ADAMTS20: variants seen among roughly 807,000 people sequenced by gnomAD.
The protein encoded by ADAMTS20 is ADAM metallopeptidase with thrombospondin type 1 motif 20.
A neutral mutation model predicts 260.1 loss-of-function variants in ADAMTS20; 225 were observed. The ratio of observed to expected loss-of-function variants is 0.87; its 90% CI spans 0.78 to 0.97. The LOEUF (loss-of-function observed/expected upper bound fraction) is 0.97. Among genes scored for constraint, ADAMTS20 ranks in the 50% least tolerant of loss-of-function variants. The pLI is 0.00. For synonymous variants in ADAMTS20, 802 were observed against 769.5 expected (o/e 1.04, Z -0.70); for missense variants, 2,400 against 2,337.7 (o/e 1.03, Z -0.55).
intron 31 of ADAMTS20, among the ~76,000 whole-genome samples, chr12:43,379,040 T>C (rs1194748884): frequency 1.3e-5 from 2 of 152,222 alleles, no homozygotes; most frequent in Non-Finnish European, 2.9e-5. Flanking sequence ...CCTGTGATTA[T>C]GGTGAAACCA....
chr12:43,526,430 C>T (rs372005202), intron 3 of ADAMTS20, among the ~76,000 whole-genome samples: 1 of 152,092 alleles, frequency 6.6e-6, no homozygotes, highest in East Asian at 1.9e-4. Flanking sequence ...TGCACTCCAG[C>T]CTGAGTGACA....
chr12:43,501,494 CACACACACAT>C (rs1942765785), intron 4 of ADAMTS20, among the ~76,000 whole-genome samples: 3 of 151,342 alleles, frequency 2.0e-5, no homozygotes, highest in Non-Finnish European at 4.4e-5. Flanking sequence ...CACACACACA[CACACACACAT>C]GTAAGGATGA....
chr12:43,369,420 A>G (rs376695102), intron 36 of ADAMTS20, 39 bp from the exon 37 acceptor site: 1 of 1,230,640 alleles, frequency 8.1e-7, no homozygotes, highest in Non-Finnish European at 1.1e-6. Flanking sequence ...CATGGAGACA[A>G]TAATGCAATC....
At chr12:43,510,660 A>T (rs1003459987) in intron 3 of ADAMTS20, among the ~76,000 whole-genome samples, 2 of 152,082 alleles carry the variant, frequency 1.3e-5, no homozygotes, top group African/African-American at 4.8e-5. Context: ...GCGTATTAAG[A>T]CCCAAAACTA....
At chr12:43,368,093 T>G (rs775705754) in intron 37 of ADAMTS20, among the ~76,000 whole-genome samples, 1 of 152,084 alleles carries the variant, frequency 6.6e-6, no homozygotes, top group Non-Finnish European at 1.5e-5. Context: ...TTAGTTGACA[T>G]GATTCAAACC....
Position 43,354,078 on chromosome 12 carries a change from C to G in ADAMTS20, c.*131G>C. ...CAGTGATTTGAATCCCTGATGAGCA[C>G]CCTGAAAAAAAGGCAGAGACATATT... On this transcript the variant is annotated 3_prime_UTR_variant, in exon 39 of 39. Coordinates refer to ENST00000389420, the MANE Select transcript of ADAMTS20 (RefSeq NM_025003.5). The G allele has an allele frequency of 3.4e-6, 2 of 582,684 alleles. No homozygotes were observed. Among genetic ancestry groups the G allele is most frequent in the Non-Finnish European group, 5.7e-6 (2 of 349,126 alleles). 36.1% of individuals were successfully genotyped at this position (582,684 alleles called of 1,614,324 possible). A position where few individuals can be genotyped will look rare whatever the true frequency, so the allele number is the denominator to read the frequency against.
chr12:43,528,163 A>G (rs1410994362), intron 3 of ADAMTS20, among the ~76,000 whole-genome samples: 3 of 151,982 alleles, frequency 2.0e-5, no homozygotes, highest in African/African-American at 7.3e-5. Flanking sequence ...CAAGAACTAC[A>G]AAACACTGCT....
chr12:43,418,466 C>T (rs954042911), intron 28 of ADAMTS20, among the ~76,000 whole-genome samples: 3 of 152,050 alleles, frequency 2.0e-5, no homozygotes, highest in East Asian at 3.9e-4. Flanking sequence ...CGCGCCACCA[C>T]GCCCAGCTAA....
At chr12:43,534,997 T>A (rs2137509850) in intron 2 of ADAMTS20, among the ~76,000 whole-genome samples, 1 of 152,220 alleles carries the variant, frequency 6.6e-6, no homozygotes, top group East Asian at 1.9e-4. Flanking sequence ...GCTGGCTTCA[T>A]CTCATCCTTC....
intron 31 of ADAMTS20, 80 bp from the exon 32 acceptor site, chr12:43,377,642 A>G (rs1487796337): frequency 1.8e-6 from 2 of 1,118,186 alleles, no homozygotes; most frequent in African/African-American, 1.6e-5. Flanking sequence ...CTTAATATAT[A>G]TTATGCTGTG....
At chr12:43,443,047 G>C in intron 16 of ADAMTS20, among the ~76,000 whole-genome samples, 1 of 152,130 alleles carries the variant, frequency 6.6e-6, no homozygotes. Flanking sequence ...TTAATTATTT[G>C]AGTCAATATT....
At position 43,429,732 on chromosome 12, in the gene ADAMTS20, G is replaced by A; in HGVS notation, c.3382-8C>T. ...AGGTGTAAGTACACAGCTCTGTTCA[G>A]AAGAAAAATGGTTCTCGTAAAACAT... On this transcript the variant is annotated splice_region_variant and splice_polypyrimidine_tract_variant and intron_variant, in intron 23 of 38. Coordinates refer to ENST00000389420, the MANE Select transcript of ADAMTS20 (RefSeq NM_025003.5). 2 of 1,518,456 alleles carry A rather than the reference G, an allele frequency of 1.3e-6. No homozygotes were observed. The highest frequency in any genetic ancestry group is 1.8e-6 in the Non-Finnish European group (2 of 1,128,186). 94.1% of individuals were successfully genotyped at this position (1,518,456 alleles called of 1,614,324 possible). A position where few individuals can be genotyped will look rare whatever the true frequency, so the allele number is the denominator to read the frequency against.
intron 31 of ADAMTS20, among the ~76,000 whole-genome samples, chr12:43,380,183 A>G (rs948358409): frequency 7.2e-5 from 11 of 152,232 alleles, no homozygotes; most frequent in African/African-American, 2.7e-4. Context: ...AGAAGAATGG[A>G]CAAAAAATAT....
chr12:43,442,510 G>A (rs539582452), intron 16 of ADAMTS20, among the ~76,000 whole-genome samples: 18 of 151,730 alleles, frequency 1.2e-4, no homozygotes, highest in African/African-American at 4.3e-4. Flanking sequence ...CACCTGCCTC[G>A]GCCTCCCAAA....
intron 37 of ADAMTS20, among the ~76,000 whole-genome samples, chr12:43,363,132 T>C (rs1436440884): frequency 6.6e-6 from 1 of 151,998 alleles, no homozygotes; most frequent in Non-Finnish European, 1.5e-5. Context: ...CTCCCATGAC[T>C]CGCCCTCTTT....
At chr12:43,362,483 A>C (rs1939891801) in intron 37 of ADAMTS20, among the ~76,000 whole-genome samples, 1 of 152,186 alleles carries the variant, frequency 6.6e-6, no homozygotes, top group Non-Finnish European at 1.5e-5. Context: ...GAATGAGAAC[A>C]TAGGATTCCT....
intron 18 of ADAMTS20, among the ~76,000 whole-genome samples, chr12:43,438,368 A>C (rs1229232417): frequency 6.6e-6 from 1 of 152,196 alleles, no homozygotes; most frequent in African/African-American, 2.4e-5. Context: ...GATTCCAATT[A>C]TCTTCTAAAA....
At chr12:43,545,867 C>T (rs1234928493) in intron 2 of ADAMTS20, among the ~76,000 whole-genome samples, 1 of 152,130 alleles carries the variant, frequency 6.6e-6, no homozygotes, top group Non-Finnish European at 1.5e-5. Context: ...GACACTTCCC[C>T]TAACTAAAAT....
chr12:43,484,754 T>C (rs1026015735), intron 7 of ADAMTS20, among the ~76,000 whole-genome samples: 5 of 152,098 alleles, frequency 3.3e-5, no homozygotes, highest in African/African-American at 1.2e-4. Flanking sequence ...TCAAAAAGTT[T>C]GTAAAATCTA....
Sources: gnomAD v4.1 joint callset for allele counts (sites outside exome capture counted in the v4.1 genomes callset) on GRCh38, gnomAD v4.1.1 for gene constraint, MANE v1.5 for transcripts, NCBI Gene and HGNC (gene_info 2026-07-23, HGNC 2026-07-21) for gene names.